The following TAFA2 variants were observed in gnomAD, a reference collection of about 807,000 sequenced individuals.
TAFA2 encodes the protein TAFA chemokine like family member 2, also known as chemokine-like protein TAFA-2.
A neutral mutation model predicts 18.8 loss-of-function variants in TAFA2; 7 were observed. The observed-to-expected ratio is 0.37, with a 90% CI of 0.21 to 0.70. The LOEUF is 0.70. Ranked by LOEUF, TAFA2 falls within the 30% of genes least tolerant of loss-of-function variation. The probability of loss-of-function intolerance (pLI) is 0.53; values close to 1 mark genes in which losing one functional copy is unlikely to be tolerated. For missense variants in TAFA2, 122 were observed against 158.1 expected (o/e 0.77, Z 1.23); for synonymous variants, 60 against 54.2 (o/e 1.11, Z -0.47).
intron 1 of TAFA2, among the ~76,000 whole-genome samples, chr12:62,179,600 G>A (rs76237873): frequency 0.054 from 8,229 of 152,154 alleles, 270 homozygotes; most frequent in African/African-American, 0.084. Flanking sequence ...CAGGACACTC[G>A]GTTTGGCTCC....
chr12:62,131,383 C>T (rs1023985881), intron 1 of TAFA2, among the ~76,000 whole-genome samples: 2 of 151,928 alleles, frequency 1.3e-5, no homozygotes, highest in African/African-American at 2.4e-5. Context: ...GGCTGGATGC[C>T]GGGGCAGCGG....
Position 61,759,549 on chromosome 12 carries a change from A to G in TAFA2, c.107-4525T>C, listed in dbSNP as rs912779723. Among the ~76,000 whole-genome samples the G allele has an allele frequency of 3.2e-4, 49 of 152,014 alleles. 1 individual carries two copies. Among genetic ancestry groups the G allele is most frequent in the Non-Finnish European group, 1.0e-4 (7 of 67,960 alleles). On this transcript the variant is annotated intron_variant, in intron 2 of 4. Transcript: ENST00000416284. ...ACTCACCACCGATCATGATGGGCAT[A>G]TGAGTGAGAAACAAAGCCATGTTGT...
chr12:61,910,077 C>G lies in TAFA2; in HGVS notation c.-1-42651G>C. On this transcript the variant is annotated intron_variant, in intron 1 of 4. Coordinates refer to ENST00000416284, the MANE Select transcript of TAFA2 (RefSeq NM_178539.5). Reference sequence around the variant, plus strand: ...CAAAAGAGAGTAGTAAGATGGTGTGCGTGCTTGTGTGTGTGTGTGTGTTTG... The same window carrying G: ...CAAAAGAGAGTAGTAAGATGGTGTGGGTGCTTGTGTGTGTGTGTGTGTTTG... Among the ~76,000 whole-genome samples the G allele has an allele frequency of 2.1e-5, 3 of 140,226 alleles. No individual in the cohort carries two copies. The South Asian group carries it at 7.2e-4, about 34-fold the overall frequency. The allele number at this position is 140,226 out of a possible 152,430, so 92.0% of individuals were successfully genotyped here.
At chr12:61,943,654 C>T (rs1409245068) in intron 1 of TAFA2, among the ~76,000 whole-genome samples, 14 of 151,984 alleles carry the variant, frequency 9.2e-5, no homozygotes, top group Non-Finnish European at 1.5e-4. Flanking sequence ...GATTGCAATC[C>T]GAGTCTCTGA....
intron 1 of TAFA2, among the ~76,000 whole-genome samples, chr12:61,921,004 T>C (rs1171763714): frequency 6.6e-6 from 1 of 152,082 alleles, no homozygotes; most frequent in African/African-American, 2.4e-5. Context: ...TAGAGTGCGA[T>C]TGGTGGGTTC....
intron 2 of TAFA2, among the ~76,000 whole-genome samples, chr12:61,847,180 TG>T (rs1372842241): frequency 7.2e-5 from 11 of 152,214 alleles, no homozygotes; most frequent in African/African-American, 2.7e-4. Context: ...TCTCTTCTGC[TG>T]TTGTGATTAT....
chr12:61,915,119 C>G (rs1235116401), intron 1 of TAFA2, among the ~76,000 whole-genome samples: 2 of 152,158 alleles, frequency 1.3e-5, no homozygotes, highest in Non-Finnish European at 2.9e-5. Flanking sequence ...CAAGATCGTG[C>G]CACTGCTCTC....
At chr12:62,227,195 T>C (rs1424339489) in intron 1 of TAFA2, among the ~76,000 whole-genome samples, 1 of 152,192 alleles carries the variant, frequency 6.6e-6, no homozygotes, top group East Asian at 1.9e-4. Flanking sequence ...TCAGATCACA[T>C]TATTTTTTCC....
chr12:61,943,278 T>C (rs1878114923), intron 1 of TAFA2, among the ~76,000 whole-genome samples: 1 of 147,022 alleles, frequency 6.8e-6, no homozygotes, highest in Non-Finnish European at 1.5e-5. Flanking sequence ...CCACCAGGCC[T>C]GCCCTAAAAG....
chr12:61,921,154 C>A (rs768290560), intron 1 of TAFA2, among the ~76,000 whole-genome samples: 2 of 152,154 alleles, frequency 1.3e-5, no homozygotes, highest in Non-Finnish European at 2.9e-5. Flanking sequence ...CAAAGAGAAC[C>A]ACAGAAGTGT....
chr12:62,144,021 C>G (rs1234627609), intron 1 of TAFA2, among the ~76,000 whole-genome samples: 1 of 146,492 alleles, frequency 6.8e-6, no homozygotes, highest in Non-Finnish European at 1.5e-5. Flanking sequence ...GCACTCCAGC[C>G]TGGGTGACAG....
At chr12:61,823,108 A>T (rs1872389737) in intron 2 of TAFA2, among the ~76,000 whole-genome samples, 1 of 152,200 alleles carries the variant, frequency 6.6e-6, no homozygotes, top group South Asian at 2.1e-4. Flanking sequence ...AACTTTTTAA[A>T]AGAATCTTTT....
intron 2 of TAFA2, among the ~76,000 whole-genome samples, chr12:61,816,588 G>A (rs1482141497): frequency 1.3e-5 from 2 of 151,218 alleles, no homozygotes; most frequent in Non-Finnish European, 2.9e-5. Context: ...GCTCTTTGAG[G>A]CATCACCATA....
chr12:61,906,481 T>C (rs1418075064), intron 1 of TAFA2, among the ~76,000 whole-genome samples: 1 of 152,212 alleles, frequency 6.6e-6, no homozygotes, highest in Admixed American at 6.5e-5. Context: ...CAGGTGGAAC[T>C]GTGAGTCCTT....
At chr12:61,861,522 T>TG (rs1182840173) in intron 2 of TAFA2, among the ~76,000 whole-genome samples, 1 of 152,172 alleles carries the variant, frequency 6.6e-6, no homozygotes. Flanking sequence ...CCCAAAGTGC[T>TG]GGGATTATAG....
chr12:62,063,300 G>T (rs898529186), intron 1 of TAFA2, among the ~76,000 whole-genome samples: 1 of 152,076 alleles, frequency 6.6e-6, no homozygotes, highest in East Asian at 1.9e-4. Context: ...TGAAATAGTA[G>T]TCTAATTCCT....
intron 2 of TAFA2, among the ~76,000 whole-genome samples, chr12:61,796,615 C>T (rs1318945525): frequency 6.6e-6 from 1 of 152,018 alleles, no homozygotes; most frequent in African/African-American, 2.4e-5. Context: ...CATTAATTCT[C>T]ATGATCTAAG....
At chr12:61,812,075 A>G (rs1270706904) in intron 2 of TAFA2, among the ~76,000 whole-genome samples, 4 of 151,386 alleles carry the variant, frequency 2.6e-5, no homozygotes, top group African/African-American at 9.8e-5. Flanking sequence ...CAAAAATCTC[A>G]TGGGGCCAAA....
intron 2 of TAFA2, among the ~76,000 whole-genome samples, chr12:61,814,547 A>G (rs1332202803): frequency 6.6e-6 from 1 of 151,324 alleles, no homozygotes; most frequent in Non-Finnish European, 1.5e-5. Flanking sequence ...CAAGAGTAGG[A>G]GCAAGAAACA....
Sources: gnomAD v4.1 joint callset for allele counts (sites outside exome capture counted in the v4.1 genomes callset) on GRCh38, gnomAD v4.1.1 for gene constraint, MANE v1.5 for transcripts, NCBI Gene and HGNC (gene_info 2026-07-23, HGNC 2026-07-21) for gene names.